The following PAG1 variants were observed in gnomAD, a reference collection of about 807,000 sequenced individuals.
The protein encoded by PAG1 is phosphoprotein associated with glycosphingolipid-enriched microdomains 1.
Under a neutral mutation model 31.7 loss-of-function variants are expected in PAG1, and 23 were observed. That is an observed-to-expected ratio of 0.73 (90% CI 0.52 to 1.03). The LOEUF is 1.03. PAG1 is among the 50% of genes least tolerant of loss of function. PAG1 has a pLI of 0.00. For missense variants in PAG1, 473 were observed against 540.7 expected, an observed-to-expected ratio of 0.87 and a Z score of 1.24; for synonymous variants, 214 against 210.3, an observed-to-expected ratio of 1.02 and a Z score of -0.15.
intron 5 of PAG1, among the ~76,000 whole-genome samples, chr8:80,988,737 C>G (rs1327696524): frequency 1.4e-4 from 21 of 152,214 alleles, no homozygotes; most frequent in Admixed American, 1.3e-3. Context: ...CAGGCGTGAG[C>G]CACTGTGCCC....
chr8:80,971,526 A>G lies in PAG1; in HGVS notation c.*5018T>C, dbSNP rs769063003. On this transcript the variant is annotated 3_prime_UTR_variant, in exon 9 of 9. Transcript: ENST00000220597. ...ACATACAGACATCTGAGAAATGACA[A>G]TTATCAACCTTTGTAATACATGATT... 20 of 152,240 alleles carry G rather than the reference A, an allele frequency of 1.3e-4. No homozygotes were observed. The highest frequency in any genetic ancestry group is 7.8e-4 in the Admixed American group (12 of 15,290). The allele number at this position is 152,240 out of a possible 1,614,324, so 9.4% of individuals were successfully genotyped here.
At chr8:81,038,509 A>C (rs1274318284) in intron 2 of PAG1, among the ~76,000 whole-genome samples, 1 of 152,076 alleles carries the variant, frequency 6.6e-6, no homozygotes, top group African/African-American at 2.4e-5. Flanking sequence ...TTGTCCGTAA[A>C]ATGCCTGAGT....
rs1264751849 is a variant in PAG1, at chr8:80,985,392, A to C, written c.275-15T>G. 6.3e-7 allele frequency: 1 copy of C among 1,587,460 alleles called. No homozygotes were observed. The highest frequency in any genetic ancestry group is 8.6e-7 in the Non-Finnish European group (1 of 1,164,306). On this transcript the variant is annotated splice_polypyrimidine_tract_variant and intron_variant, in intron 6 of 8. Coordinates refer to ENST00000220597, the MANE Select transcript of PAG1 (RefSeq NM_018440.4). ...CTCTGAAAGAACTAAAGCAGCACACACATTAAAAGCGGAGAAAGGCAAGTC... is the reference window on the plus strand; with the variant it reads ...CTCTGAAAGAACTAAAGCAGCACACCCATTAAAAGCGGAGAAAGGCAAGTC...
At chr8:81,082,184 C>A (rs932060207) in intron 1 of PAG1, among the ~76,000 whole-genome samples, 1 of 140,136 alleles carries the variant, frequency 7.1e-6, no homozygotes, top group African/African-American at 2.7e-5. Flanking sequence ...ACCTAGCAGG[C>A]AGAGGTTGCA....
chr8:80,991,346 C>T, intron 5 of PAG1, 133 bp downstream of exon 5: 1 of 710,026 alleles, frequency 1.4e-6, no homozygotes, highest in Non-Finnish European at 2.6e-6. Context: ...TTTCAGAAGC[C>T]ACCGTTTAAC....
chr8:81,022,094 C>T (rs1808182782), intron 3 of PAG1, among the ~76,000 whole-genome samples: 1 of 152,138 alleles, frequency 6.6e-6, no homozygotes, highest in African/African-American at 2.4e-5. Context: ...TATAGAAATG[C>T]CAAACATTTT....
intron 1 of PAG1, among the ~76,000 whole-genome samples, chr8:81,075,490 C>T (rs1809161575): frequency 6.6e-6 from 1 of 152,346 alleles, no homozygotes; most frequent in East Asian, 1.9e-4. Flanking sequence ...TCTTTAAAGA[C>T]AAGTAATTTC....
chr8:81,081,583 C>T lies in PAG1; in HGVS notation c.-233-11413G>A, dbSNP rs116404204. On this transcript the variant is annotated intron_variant, in intron 1 of 8. Coordinates refer to ENST00000220597, the MANE Select transcript of PAG1 (RefSeq NM_018440.4). ...GTAGCCCCACCCACTTCCCTCCTGT[C>T]CCTACCACATCCTTAACTCCTAGCA... Among the ~76,000 whole-genome samples, 291 of 152,256 alleles carry T rather than the reference C, an allele frequency of 1.9e-3. 2 individuals are homozygous for T. The highest frequency in any genetic ancestry group is 6.7e-3 in the African/African-American group (280 of 41,554).
chr8:81,060,959 C>T (rs1036427047), intron 2 of PAG1, among the ~76,000 whole-genome samples: 4 of 152,254 alleles, frequency 2.6e-5, no homozygotes, highest in African/African-American at 9.6e-5. Flanking sequence ...ACAGCAGCCT[C>T]TCTGCTCCCT....
At chr8:80,986,705 G>A (rs1807430103) in intron 6 of PAG1, among the ~76,000 whole-genome samples, 1 of 151,668 alleles carries the variant, frequency 6.6e-6, no homozygotes, top group African/African-American at 2.4e-5. Context: ...AGGGCTACAG[G>A]TGGAATTAAG....
chr8:80,993,315 G>A lies in PAG1; in HGVS notation c.-80-8C>T, dbSNP rs181216031. The A allele has an allele frequency of 5.2e-6, 7 of 1,339,868 alleles. No homozygotes were observed. The African/African-American group carries it at 5.9e-5, about 11-fold the overall frequency. The allele number at this position is 1,339,868 out of a possible 1,614,324, so 83.0% of individuals were successfully genotyped here. On this transcript the variant is annotated splice_polypyrimidine_tract_variant and splice_region_variant and intron_variant, in intron 3 of 8. Coordinates refer to ENST00000220597, the MANE Select transcript of PAG1 (RefSeq NM_018440.4). ...GAGGCAGAGAGCTGTGTCCTGCAAA[G>A]AGACCAGTGCGTTTGGAGAGTAATT...
At chr8:80,986,285 G>C (rs1807418684) in intron 6 of PAG1, among the ~76,000 whole-genome samples, 1 of 152,134 alleles carries the variant, frequency 6.6e-6, no homozygotes. Context: ...ATCACGGAGG[G>C]GGTGAACTTT....
At chr8:81,086,044 C>T (rs921781553) in intron 1 of PAG1, among the ~76,000 whole-genome samples, 29 of 124,074 alleles carry the variant, frequency 2.3e-4, no homozygotes, top group Admixed American at 8.0e-4. Flanking sequence ...TGCAGTGGCG[C>T]GATCTCGGCT....
chr8:81,081,446 A>G (rs1474352106), intron 1 of PAG1, among the ~76,000 whole-genome samples: 1 of 152,174 alleles, frequency 6.6e-6, no homozygotes, highest in Non-Finnish European at 1.5e-5. Context: ...AGTTTCCCTC[A>G]CTGGTAACTT....
At chr8:81,050,951 G>A (rs1808718225) in intron 2 of PAG1, among the ~76,000 whole-genome samples, 1 of 152,212 alleles carries the variant, frequency 6.6e-6, no homozygotes, top group African/African-American at 2.4e-5. Flanking sequence ...GTGAATTTGA[G>A]TTGCCCATAT....
In PAG1 at chr8:81,081,004, G is replaced by A. The variant is rs142097024; in HGVS notation, c.-233-10834C>T. On this transcript the variant is annotated intron_variant, in intron 1 of 8. Transcript: ENST00000220597. ...AAGAGTATAGTCAGTAAGAAAGGATGCAGGCTTTGGGACCAGACTGTCCAG... is the reference window on the plus strand; with the variant it reads ...AAGAGTATAGTCAGTAAGAAAGGATACAGGCTTTGGGACCAGACTGTCCAG... 1.1e-4 allele frequency among the ~76,000 whole-genome samples: 16 copies of A among 152,256 alleles called. No individual in the cohort carries two copies. The East Asian group carries it at 3.1e-3, about 29-fold the overall frequency.
chr8:80,987,889 A>G (rs1037235846), intron 5 of PAG1, among the ~76,000 whole-genome samples: 10 of 152,242 alleles, frequency 6.6e-5, no homozygotes, highest in Admixed American at 5.9e-4. Context: ...TGCAGAAATC[A>G]AAACTACAGA....
At chr8:81,101,853 CAATAAG>C (rs1311609206) in intron 1 of PAG1, among the ~76,000 whole-genome samples, 9 of 151,786 alleles carry the variant, frequency 5.9e-5, no homozygotes, top group Non-Finnish European at 1.2e-4. Context: ...GAATAAAATT[CAATAAG>C]AATAAGAAAA....
rs183360068 is a variant in PAG1 at position 80,991,781 on chromosome 8, C to T, written c.126-251G>A. Among the ~76,000 whole-genome samples the T allele has an allele frequency of 3.2e-4, 49 of 151,860 alleles. No individual in the cohort carries two copies. The East Asian group carries it at 9.3e-3, about 29-fold the overall frequency. ...ACCCCTTCTTCCGGGAAAAAACATA[C>T]AAGTTCACAAGGAGAGGACCGAGGC... On this transcript the variant is annotated intron_variant, in intron 4 of 8. Transcript: ENST00000220597.
Sources: gnomAD v4.1 joint callset for allele counts (sites outside exome capture counted in the v4.1 genomes callset) on GRCh38, gnomAD v4.1.1 for gene constraint, MANE v1.5 for transcripts, NCBI Gene and HGNC (gene_info 2026-07-23, HGNC 2026-07-21) for gene names.